Variants in ABI3BP observed in about 807,000 individuals in gnomAD.
ABI3BP encodes the protein ABI family member 3 binding protein, also known as target of Nesh-SH3.
A neutral mutation model predicts 268.6 loss-of-function variants in ABI3BP; 216 were observed. The observed-to-expected ratio is 0.80, with a 90% CI of 0.72 to 0.90. The LOEUF (loss-of-function observed/expected upper bound fraction) is 0.90. ABI3BP is among the 40% of genes least tolerant of loss of function. The pLI is 0.00. For synonymous variants in ABI3BP, 730 were observed against 730.0 expected (o/e 1.00, Z 0.00); for missense variants, 2,090 against 2,182.4 (o/e 0.96, Z 0.84).
chr3:100,841,261 G>A (rs559326223), intron 21 of ABI3BP, among the ~76,000 whole-genome samples: 1 of 124,054 alleles, frequency 8.1e-6, no homozygotes, highest in East Asian at 2.4e-4. Context: ...ATAAAGATTG[G>A]GGTTGGTTTT....
At chr3:100,759,782 T>C (rs2095842149) in intron 63 of ABI3BP, among the ~76,000 whole-genome samples, 1 of 152,212 alleles carries the variant, frequency 6.6e-6, no homozygotes, top group Non-Finnish European at 1.5e-5. Flanking sequence ...TCAAGTCAAT[T>C]TCTTCTTCAA....
chr3:100,985,141 CTT>C (rs1172049956), intron 1 of ABI3BP, among the ~76,000 whole-genome samples: 2,667 of 79,722 alleles, frequency 0.033, 21 homozygotes, highest in African/African-American at 0.069. Flanking sequence ...CAGAAAAGCA[CTT>C]TTTTTTTTTT....
At chr3:100,988,452 C>G (rs1203336692) in intron 1 of ABI3BP, among the ~76,000 whole-genome samples, 1 of 152,112 alleles carries the variant, frequency 6.6e-6, no homozygotes, top group African/African-American at 2.4e-5. Flanking sequence ...TGAGCTTTGG[C>G]CCCTGGGGTT....
intron 58 of ABI3BP, among the ~76,000 whole-genome samples, chr3:100,779,604 ACTCTCTCTCTCTCT>A (rs138554435): frequency 7.4e-6 from 1 of 135,516 alleles, no homozygotes; most frequent in East Asian, 2.2e-4. Context: ...TAAGAGAAAG[ACTCTCTCTCTCTCT>A]CTCTCTCTCT....
At chr3:100,852,017 A>G in intron 14 of ABI3BP, 77 bp from the exon 15 acceptor site, 1 of 1,304,802 alleles carries the variant, frequency 7.7e-7, no homozygotes, top group Non-Finnish European at 1.0e-6. Context: ...AGATTACATG[A>G]CATGTTGTAA....
At position 100,850,084 on chromosome 3, in the gene ABI3BP, C is replaced by A. The variant is rs1235305977; in HGVS notation, c.1462G>T (p.Glu488Ter). Residue 488 changes from glutamate to a stop codon, truncating the protein, a stop_gained, in exon 17 of 68, where the codon GAA becomes TAA. Coordinates refer to ENST00000471714, the MANE Select transcript of ABI3BP (RefSeq NM_001375547.2). LOFTEE classifies it high-confidence loss of function. ...TGCATTTCTGGACTGGTAAAGATTT[C>A]CAGTTTTTGAGGAACAAATGGTGTT... ...SETPFVPQKL[E>*]IFTSPEMQPT... The A allele has an allele frequency of 6.2e-7, 1 of 1,611,132 alleles. No homozygotes were observed. Among genetic ancestry groups the A allele is most frequent in the Admixed American group, 1.7e-5 (1 of 59,744 alleles).
chr3:100,850,332 C>A (rs2098823543), intron 16 of ABI3BP, among the ~76,000 whole-genome samples: 1 of 152,126 alleles, frequency 6.6e-6, no homozygotes, highest in Non-Finnish European at 1.5e-5. Flanking sequence ...TGACTTCAGG[C>A]AGACTTGATG....
At chr3:100,820,174 T>C (rs1431387407) in intron 40 of ABI3BP, 46 bp downstream of exon 40, 1 of 1,461,192 alleles carries the variant, frequency 6.8e-7, no homozygotes, top group African/African-American at 1.4e-5. Context: ...TATAAATTCC[T>C]GAGAGCAGCT....
chr3:100,865,521 C>A (rs562867035), intron 10 of ABI3BP, among the ~76,000 whole-genome samples: 2 of 152,286 alleles, frequency 1.3e-5, no homozygotes, highest in South Asian at 4.2e-4. Flanking sequence ...GCTCACACTC[C>A]TTCCCCACCA....
chr3:100,754,210 A>G (rs1023075542), intron 64 of ABI3BP, among the ~76,000 whole-genome samples: 1 of 152,238 alleles, frequency 6.6e-6, no homozygotes, highest in Non-Finnish European at 1.5e-5. Context: ...AAATTATGCA[A>G]ATATTAATGC....
At chr3:100,865,046 C>T (rs1014221144) in intron 10 of ABI3BP, 139 bp from the exon 11 acceptor site, 2 of 688,936 alleles carry the variant, frequency 2.9e-6, no homozygotes, top group African/African-American at 3.7e-5. Flanking sequence ...ATGTAAAGAG[C>T]TCCTTGGCTT....
At chr3:100,813,768 T>C in intron 44 of ABI3BP, 33 bp from the exon 45 acceptor site, 1 of 1,491,544 alleles carries the variant, frequency 6.7e-7, no homozygotes, top group Non-Finnish European at 9.0e-7. Flanking sequence ...GTAAGAGTAA[T>C]TTTCAGTTAT....
intron 34 of ABI3BP, among the ~76,000 whole-genome samples, chr3:100,826,849 A>G (rs535785468): frequency 4.6e-5 from 7 of 152,284 alleles, no homozygotes; most frequent in Admixed American, 2.0e-4. Flanking sequence ...TTTGATGCTC[A>G]TGAGAACAAT....
chr3:100,800,560 G>C (rs960168610), intron 51 of ABI3BP, among the ~76,000 whole-genome samples: 1 of 150,874 alleles, frequency 6.6e-6, no homozygotes, highest in African/African-American at 2.4e-5. Context: ...TGCAAGCTCC[G>C]CCTCCCTGGT....
chr3:100,947,871 C>A lies in ABI3BP; in HGVS notation c.80-21390G>T, dbSNP rs74427011. Among the ~76,000 whole-genome samples the A allele has an allele frequency of 4.5e-3, 688 of 152,150 alleles. 4 individuals are homozygous for A. The highest frequency in any genetic ancestry group is 0.016 in the African/African-American group (670 of 41,510). On this transcript the variant is annotated intron_variant, in intron 1 of 67. Transcript: ENST00000471714. ...ACACTAGAGGGAAAATCAAAGATTG[C>A]GGGACTGAGGTGCCCAAACCTTCAA...
intron 1 of ABI3BP, among the ~76,000 whole-genome samples, chr3:100,971,426 T>A (rs2083525674): frequency 6.6e-6 from 1 of 151,778 alleles, no homozygotes; most frequent in African/African-American, 2.4e-5. Flanking sequence ...TTTTCAAGAG[T>A]AGGCTAGCAG....
chr3:100,751,107 T>A (rs185210300), intron 67 of ABI3BP, among the ~76,000 whole-genome samples: 5 of 152,300 alleles, frequency 3.3e-5, no homozygotes, highest in Admixed American at 2.6e-4. Flanking sequence ...TTTAGCAATT[T>A]ACAGAGGTTA....
At chr3:100,832,439 G>T in intron 30 of ABI3BP, 89 bp from the exon 31 acceptor site, 1 of 1,227,260 alleles carries the variant, frequency 8.1e-7, no homozygotes, top group Non-Finnish European at 1.1e-6. Flanking sequence ...TAAAATACTT[G>T]TTAGAGTTTG....
At chr3:100,842,226 T>C (rs1303478019) in intron 20 of ABI3BP, among the ~76,000 whole-genome samples, 187 bp from the exon 21 acceptor site, 1 of 152,244 alleles carries the variant, frequency 6.6e-6, no homozygotes, top group Non-Finnish European at 1.5e-5. Flanking sequence ...TTCTCATTTT[T>C]GTTGTTGATC....
Sources: gnomAD v4.1 joint callset for allele counts (sites outside exome capture counted in the v4.1 genomes callset) on GRCh38, gnomAD v4.1.1 for gene constraint, MANE v1.5 for transcripts, NCBI Gene and HGNC (gene_info 2026-07-23, HGNC 2026-07-21) for gene names.